ABTB3: variants seen among roughly 807,000 people sequenced by gnomAD.
ABTB3 encodes the protein ankyrin repeat and BTB domain containing 3.
the ABTB3 span, among the ~76,000 whole-genome samples, chr12:107,396,213 T>A: frequency 1.3e-5 from 2 of 152,202 alleles, no homozygotes; most frequent in Non-Finnish European, 2.9e-5. Flanking sequence ...AATACTTTAC[T>A]CCCATGGTGG....
chr12:107,318,901 C>T, the ABTB3 span: 23 of 1,542,928 alleles, frequency 1.5e-5, no homozygotes, highest in South Asian at 2.2e-4. Context: ...CGCTCCTTCC[C>T]TTTGGCTCCC....
At chr12:107,649,722 C>G in the ABTB3 span, 1 of 165,486 alleles carries the variant, frequency 6.0e-6, no homozygotes, top group African/African-American at 2.4e-5. Flanking sequence ...ACAACACTGT[C>G]TGTTCTTCCA....
At chr12:107,487,923 G>A in the ABTB3 span, among the ~76,000 whole-genome samples, 1 of 151,854 alleles carries the variant, frequency 6.6e-6, no homozygotes, top group Admixed American at 6.6e-5. Flanking sequence ...GAGGAAAGGG[G>A]GCCCGCTTTC....
chr12:107,655,441 A>C, the ABTB3 span, among the ~76,000 whole-genome samples: 2 of 152,122 alleles, frequency 1.3e-5, no homozygotes, highest in Non-Finnish European at 2.9e-5. Context: ...CTTTCTGTGC[A>C]CTGCTTCCCC....
the ABTB3 span, among the ~76,000 whole-genome samples, chr12:107,342,863 G>A: frequency 1.1e-4 from 17 of 152,046 alleles, no homozygotes; most frequent in South Asian, 2.1e-4. Context: ...TTGAACCCCC[G>A]TAGGCTTTGC....
At chr12:107,522,837 G>A in the ABTB3 span, among the ~76,000 whole-genome samples, 10 of 150,944 alleles carry the variant, frequency 6.6e-5, no homozygotes, top group South Asian at 1.5e-3. Context: ...AGGAGGGAGG[G>A]AAAAGAGGCA....
the ABTB3 span, among the ~76,000 whole-genome samples, chr12:107,388,521 T>C: frequency 1.3e-5 from 2 of 149,700 alleles, no homozygotes; most frequent in African/African-American, 2.5e-5. Flanking sequence ...TCCTCCTCCT[T>C]CTTTCCTTCC....
chr12:107,638,011 T>A, the ABTB3 span, among the ~76,000 whole-genome samples: 2 of 152,066 alleles, frequency 1.3e-5, no homozygotes, highest in Non-Finnish European at 1.5e-5. Flanking sequence ...AGTGAAGAAA[T>A]GAGTTTTCGT....
the ABTB3 span, among the ~76,000 whole-genome samples, chr12:107,583,069 C>A: frequency 6.6e-6 from 1 of 152,328 alleles, no homozygotes; most frequent in East Asian, 1.9e-4. Flanking sequence ...ATCAACTGTG[C>A]AAACTTGGGC....
chr12:107,466,485 A>G, the ABTB3 span, among the ~76,000 whole-genome samples: 1 of 151,624 alleles, frequency 6.6e-6, no homozygotes, highest in African/African-American at 2.4e-5. Flanking sequence ...TGTCCAATAG[A>G]GGCAGGTGTT....
chr12:107,413,034 G>T, the ABTB3 span, among the ~76,000 whole-genome samples: 1 of 152,160 alleles, frequency 6.6e-6, no homozygotes, highest in Non-Finnish European at 1.5e-5. Context: ...CAGCACTTTG[G>T]GAGGCCGAAG....
the ABTB3 span, among the ~76,000 whole-genome samples, chr12:107,488,195 C>A: frequency 1.3e-5 from 2 of 152,056 alleles, no homozygotes; most frequent in Non-Finnish European, 2.9e-5. Context: ...TTCAACCATC[C>A]ACTTTGCTAG....
chr12:107,445,957 G>A, the ABTB3 span, among the ~76,000 whole-genome samples: 1 of 139,704 alleles, frequency 7.2e-6, no homozygotes, highest in East Asian at 2.2e-4. Flanking sequence ...CTTTTATAGA[G>A]ACCCTTGTAA....
the ABTB3 span, among the ~76,000 whole-genome samples, chr12:107,508,211 G>A: frequency 6.6e-6 from 1 of 151,880 alleles, no homozygotes; most frequent in Non-Finnish European, 1.5e-5. Context: ...TTAGCACAAT[G>A]AGTAGCACAT....
At chr12:107,395,349 C>T in the ABTB3 span, among the ~76,000 whole-genome samples, 8 of 152,106 alleles carry the variant, frequency 5.3e-5, no homozygotes, top group Admixed American at 2.6e-4. Context: ...ACAGTGGGTG[C>T]AGCCTCACTG....
the ABTB3 span, among the ~76,000 whole-genome samples, chr12:107,453,294 G>A: frequency 6.6e-6 from 1 of 151,990 alleles, no homozygotes; most frequent in African/African-American, 2.4e-5. Context: ...TAGATTGAAT[G>A]TTTGTCTTCC....
chr12:107,448,648 T>TC, the ABTB3 span, among the ~76,000 whole-genome samples: 1 of 151,516 alleles, frequency 6.6e-6, no homozygotes, highest in Non-Finnish European at 1.5e-5. Flanking sequence ...TTTCTTTCTT[T>TC]TTTTTTTTTG....
the ABTB3 span, among the ~76,000 whole-genome samples, chr12:107,483,820 G>C: frequency 5.3e-5 from 8 of 152,110 alleles, no homozygotes; most frequent in African/African-American, 1.9e-4. Flanking sequence ...CCATGTAGCT[G>C]GGACTACAAG....
At chr12:107,520,758 C>A in the ABTB3 span, 4 of 1,209,594 alleles carry the variant, frequency 3.3e-6, no homozygotes, top group Non-Finnish European at 4.6e-6. Flanking sequence ...GGGGTGACAC[C>A]TTTTATTGAC....
Sources: allele counts gnomAD v4.1 joint callset (sites outside exome capture counted in the v4.1 genomes callset), GRCh38; gene constraint gnomAD v4.1.1; transcripts MANE v1.5; gene names NCBI Gene and HGNC (gene_info 2026-07-23, HGNC 2026-07-21).